The following HS1BP3 variants were observed in gnomAD, a reference collection of about 807,000 sequenced individuals.
HS1BP3 encodes the protein HCLS1 binding protein 3, also known as HCLS1-binding protein 3.
Under a neutral mutation model 33.5 loss-of-function variants are expected in HS1BP3, and 32 were observed. That is an observed-to-expected ratio of 0.95 (90% confidence interval 0.72 to 1.28). HS1BP3 has a LOEUF of 1.28. HS1BP3 is among the 50% of genes most tolerant of loss of function. HS1BP3 has a pLI of 0.00. For missense variants in HS1BP3, 486 were observed against 502.3 expected, an observed-to-expected ratio of 0.97 and a Z score of 0.31; for synonymous variants, 187 against 209.2, an observed-to-expected ratio of 0.89 and a Z score of 0.92.
intron 3 of HS1BP3, 25 bp downstream of exon 3, chr2:20,640,948 G>T: frequency 1.2e-6 from 2 of 1,611,526 alleles, no homozygotes; most frequent in Non-Finnish European, 1.7e-6. Context: ...GAGACCTGAG[G>T]GACATGGGGC....
rs906924593 is a variant in HS1BP3 at position 20,611,208 on chromosome 2, G to A, written c.178+12688C>T. Among the ~76,000 whole-genome samples the A allele has an allele frequency of 1.3e-5, 2 of 152,226 alleles. No individual in the cohort carries two copies. The highest frequency in any genetic ancestry group is 2.4e-5 in the African/African-American group (1 of 41,458). On this transcript the variant is annotated intron_variant, in intron 2 of 3. Coordinates refer to the HS1BP3 transcript ENST00000415264. The surrounding 1 kb of genome is among the most constrained non-coding windows in gnomAD (Gnocchi z 4.9). Reference sequence around the variant, plus strand: ...TTGTTCATTGACCGTTTGTTTGATGGATATTTGGGTTGTTTCCTTTGGGGG... The same window carrying A: ...TTGTTCATTGACCGTTTGTTTGATGAATATTTGGGTTGTTTCCTTTGGGGG...
At chr2:20,628,688 C>T (rs548764326) in intron 4 of HS1BP3, among the ~76,000 whole-genome samples, 5 of 151,664 alleles carry the variant, frequency 3.3e-5, no homozygotes, top group Non-Finnish European at 5.9e-5. Flanking sequence ...CGCTCTGTCA[C>T]GGCAGAGCAC....
intron 5 of HS1BP3, among the ~76,000 whole-genome samples, chr2:20,580,300 C>T (rs113644205): frequency 2.6e-5 from 4 of 152,200 alleles, no homozygotes; most frequent in African/African-American, 9.7e-5. Context: ...GGGTGGATTG[C>T]CTCAGCTCAG....
chr2:20,602,433 GTTTA>G (rs1427548483), intron 2 of HS1BP3, among the ~76,000 whole-genome samples: 1 of 151,838 alleles, frequency 6.6e-6, no homozygotes. Flanking sequence ...GCTCAGAATT[GTTTA>G]TTTATGGTAT....
intron 3 of HS1BP3, among the ~76,000 whole-genome samples, chr2:20,598,027 C>G (rs1307979519): frequency 6.6e-6 from 1 of 152,092 alleles, no homozygotes; most frequent in Non-Finnish European, 1.5e-5. Context: ...GGTCAGGTCC[C>G]CTACTTCAGC....
chr2:20,630,958 G>C (rs1163634303), intron 4 of HS1BP3, among the ~76,000 whole-genome samples: 1 of 152,210 alleles, frequency 6.6e-6, no homozygotes, highest in Non-Finnish European at 1.5e-5. Context: ...TTTGCTGAGA[G>C]AGGAGCAGCA....
At chr2:20,570,250 A>G (rs547527431) in intron 5 of HS1BP3, among the ~76,000 whole-genome samples, 7 of 152,264 alleles carry the variant, frequency 4.6e-5, no homozygotes, top group African/African-American at 1.4e-4. Context: ...TTAAAGCACT[A>G]TCTCCTGACT....
intron 5 of HS1BP3, among the ~76,000 whole-genome samples, chr2:20,581,041 C>G (rs1026663010): frequency 6.6e-6 from 1 of 152,232 alleles, no homozygotes; most frequent in Non-Finnish European, 1.5e-5. Flanking sequence ...TCCCAAAGAG[C>G]AGGCTGTCTT....
At chr2:20,624,546 C>T (rs1394685569) in intron 5 of HS1BP3, among the ~76,000 whole-genome samples, 186 bp downstream of exon 5, 2 of 152,228 alleles carry the variant, frequency 1.3e-5, no homozygotes, top group Non-Finnish European at 1.5e-5. Flanking sequence ...ACAAACAGTG[C>T]CTGGAAGCCC....
At position 20,631,846 on chromosome 2, in the gene HS1BP3, A is replaced by T. The variant is rs1410228863; in HGVS notation, c.623+6590T>A. 2.0e-5 allele frequency among the ~76,000 whole-genome samples: 3 copies of T among 152,292 alleles called. No individual in the cohort carries two copies. The East Asian group carries it at 5.8e-4, about 29-fold the overall frequency. On this transcript the variant is annotated intron_variant, in intron 4 of 6. Transcript: ENST00000304031. ...AGCCTACATTCTACAGCAAGCGCCC[A>T]GTACCCCCAAGAGCCTGAATACACA...
intron 2 of HS1BP3, among the ~76,000 whole-genome samples, chr2:20,610,818 T>C (rs1393035062): frequency 6.6e-6 from 1 of 152,238 alleles, no homozygotes; most frequent in Non-Finnish European, 1.5e-5. Context: ...TATTGAGATA[T>C]AATTCGCGTA....
At position 20,611,188 on chromosome 2, in the gene HS1BP3, C is replaced by T. The variant is rs72782374; in HGVS notation, c.178+12708G>A. Among the ~76,000 whole-genome samples, 6,334 of 152,276 alleles carry T rather than the reference C, an allele frequency of 0.042. 185 individuals carry two copies. Among genetic ancestry groups the T allele is most frequent in the Non-Finnish European group, 0.062 (4,220 of 68,010 alleles). On this transcript the variant is annotated intron_variant, in intron 2 of 3. Transcript: ENST00000415264. The surrounding 1 kb of genome is among the most constrained non-coding windows in gnomAD (Gnocchi z 4.9). ...ATCCATGTGCCACTGTTTGCTTGTT[C>T]ATTGACCGTTTGTTTGATGGATATT...
the HS1BP3 span, among the ~76,000 whole-genome samples, chr2:20,553,907 G>A: frequency 6.6e-6 from 1 of 152,232 alleles, no homozygotes; most frequent in Non-Finnish European, 1.5e-5. Flanking sequence ...AAACTGATGT[G>A]CTGTGGTTTT....
intron 5 of HS1BP3, among the ~76,000 whole-genome samples, chr2:20,574,973 T>C (rs928591852): frequency 5.9e-5 from 9 of 152,254 alleles, no homozygotes; most frequent in Admixed American, 5.9e-4. Context: ...TTGGCCTTAC[T>C]TGGTTTTTGC....
At chr2:20,625,250 T>C (rs948892319) in intron 4 of HS1BP3, among the ~76,000 whole-genome samples, 1 of 152,248 alleles carries the variant, frequency 6.6e-6, no homozygotes, top group Non-Finnish European at 1.5e-5. Context: ...GTTCAAGAAA[T>C]GACCACTGTC....
chr2:20,608,902 C>T (rs931200842), intron 2 of HS1BP3, among the ~76,000 whole-genome samples: 3 of 152,234 alleles, frequency 2.0e-5, no homozygotes. Context: ...CATCTCTCCT[C>T]CCTGGCCCTC....
chr2:20,627,225 G>C (rs1694814775), intron 4 of HS1BP3, among the ~76,000 whole-genome samples: 1 of 152,188 alleles, frequency 6.6e-6, no homozygotes, highest in Non-Finnish European at 1.5e-5. Flanking sequence ...TCTCAGGGAG[G>C]GCAGGTCTGA....
chr2:20,615,644 T>C (rs766142977), downstream of HS1BP3, among the ~76,000 whole-genome samples: 1 of 152,210 alleles, frequency 6.6e-6, no homozygotes, highest in Non-Finnish European at 1.5e-5. Flanking sequence ...TTTCCCAGGA[T>C]TGGCTCAGCT....
downstream of HS1BP3, among the ~76,000 whole-genome samples, chr2:20,559,659 C>A (rs13026063): frequency 4.8e-5 from 1 of 20,912 alleles, no homozygotes; most frequent in Non-Finnish European, 3.5e-4. Context: ...TGGATGGGTG[C>A]ATGGATGGAT....
Sources: allele counts gnomAD v4.1 joint callset (sites outside exome capture counted in the v4.1 genomes callset), GRCh38; gene constraint gnomAD v4.1.1; non-coding constraint Gnocchi (gnomAD v3.1); transcripts MANE v1.5; gene names NCBI Gene and HGNC (gene_info 2026-07-23, HGNC 2026-07-21).